Variants in NFASC observed in about 807,000 individuals in gnomAD.
NFASC encodes neurofascin.
In NFASC, 43 loss-of-function variants were observed where a neutral mutation model predicts 147.5. The ratio of observed to expected loss-of-function variants is 0.29; its 90% CI spans 0.23 to 0.38. The LOEUF (loss-of-function observed/expected upper bound fraction) is 0.38, where lower values mean the gene tolerates loss of function less well. Among genes scored for constraint, NFASC ranks in the 10% least tolerant of loss-of-function variants. The pLI is 1.00. For missense variants in NFASC, 1,320 were observed against 1,689.0 expected (o/e 0.78, Z 3.83); for synonymous variants, 622 against 665.5 (o/e 0.93, Z 1.01).
intron 1 of NFASC, among the ~76,000 whole-genome samples, chr1:204,848,953 C>A (rs894365466): frequency 6.6e-5 from 10 of 152,328 alleles, no homozygotes; most frequent in African/African-American, 2.4e-4. Context: ...GTTCAAAATA[C>A]AAAAGTCAAG....
chr1:204,833,681 A>C (rs1265376140), intron 1 of NFASC, among the ~76,000 whole-genome samples: 1 of 152,214 alleles, frequency 6.6e-6, no homozygotes, highest in Non-Finnish European at 1.5e-5. Context: ...GGGTCTAATT[A>C]AATCTTCATT....
intron 27 of NFASC, among the ~76,000 whole-genome samples, chr1:205,006,226 AATTCACCC>A (rs1446632941): frequency 1.3e-5 from 2 of 152,174 alleles, no homozygotes; most frequent in East Asian, 3.8e-4. Flanking sequence ...AGTAAGATTA[AATTCACCC>A]ATTAATCAAT....
In NFASC at chr1:204,941,688, G is replaced by T. The variant is rs72741212; in HGVS notation, c.-90-2538G>T. Among the ~76,000 whole-genome samples, 754 of 152,322 alleles carry T rather than the reference G, an allele frequency of 5.0e-3. 9 individuals are homozygous for T. Among genetic ancestry groups the T allele is most frequent in the South Asian group, 9.9e-3 (48 of 4,828 alleles). ...GCATTAGTGGATTCTTTCTGCGACA[G>T]TATAAGGACCATCTTAGAGAGTTGG... is the stretch of plus-strand genomic sequence containing the variant. On this transcript the variant is annotated intron_variant, in intron 2 of 29. Transcript: ENST00000339876.
At chr1:204,865,453 T>G (rs2077031632) in intron 1 of NFASC, among the ~76,000 whole-genome samples, 1 of 152,164 alleles carries the variant, frequency 6.6e-6, no homozygotes, top group Non-Finnish European at 1.5e-5. Context: ...TACTGTAGTG[T>G]GAGGTTTGTA....
chr1:204,908,114 T>C (rs1045834610), intron 1 of NFASC, among the ~76,000 whole-genome samples: 2 of 152,152 alleles, frequency 1.3e-5, no homozygotes, highest in Non-Finnish European at 2.9e-5. Context: ...CCCAAGCAGC[T>C]GAGACTACAG....
chr1:204,926,623 A>C (rs2091648536), intron 2 of NFASC, among the ~76,000 whole-genome samples: 1 of 150,790 alleles, frequency 6.6e-6, no homozygotes, highest in Admixed American at 6.6e-5. Context: ...CATGTTGCCC[A>C]GGCTGGTCTT....
At chr1:204,849,830 G>A (rs773250030) in intron 1 of NFASC, among the ~76,000 whole-genome samples, 1 of 152,338 alleles carries the variant, frequency 6.6e-6, no homozygotes, top group Non-Finnish European at 1.5e-5. Flanking sequence ...AGGGCCAGGA[G>A]TCCCAATCCT....
chr1:204,948,739 G>T, intron 3 of NFASC: 1 of 518,766 alleles, frequency 1.9e-6, no homozygotes, highest in Non-Finnish European at 3.8e-6. Flanking sequence ...TTTCCATTGA[G>T]TCAGCCTTCG....
chr1:204,941,618 G>C (rs1036618953), intron 2 of NFASC, among the ~76,000 whole-genome samples: 1 of 152,196 alleles, frequency 6.6e-6, no homozygotes, highest in African/African-American at 2.4e-5. Context: ...GGGTTCAGTT[G>C]CCTGATCTGA....
At chr1:205,000,404 C>A (rs2095950894) in intron 25 of NFASC, 1 of 152,478 alleles carries the variant, frequency 6.6e-6, no homozygotes, top group African/African-American at 2.4e-5. Flanking sequence ...TCTGGATCAC[C>A]ATTCTCCTCC....
chr1:204,923,204 G>T (rs1165875514), intron 2 of NFASC, among the ~76,000 whole-genome samples: 1 of 152,134 alleles, frequency 6.6e-6, no homozygotes, highest in Non-Finnish European at 1.5e-5. Flanking sequence ...TGTTCCCCGG[G>T]GCTGCAGGTG....
At chr1:204,981,188 G>A (rs148097197) in intron 20 of NFASC, among the ~76,000 whole-genome samples, 1,843 of 152,384 alleles carry the variant, frequency 0.012, 13 homozygotes, top group Middle Eastern at 0.024. Context: ...ACAGGGCAAC[G>A]GCAGCTGGGC....
intron 10 of NFASC, among the ~76,000 whole-genome samples, chr1:204,970,370 G>C (rs951497876): frequency 6.6e-6 from 1 of 152,174 alleles, no homozygotes; most frequent in Non-Finnish European, 1.5e-5. Context: ...GGGGATTCTA[G>C]TGAGCAGCCC....
rs758815207 is a variant in NFASC at position 204,979,046 on chromosome 1, A to T, written c.1955A>T (p.Asp652Val). 2 of 1,563,188 alleles carry T rather than the reference A, an allele frequency of 1.3e-6. No homozygotes were observed. The highest frequency in any genetic ancestry group is 2.4e-5 in the East Asian group (1 of 41,764). ...GTGCGGCTGACCTGGATCCCCGGGGATGCTAACAACAGCCCCATCACAGGT... is the reference window on the plus strand; with the variant it reads ...GTGCGGCTGACCTGGATCCCCGGGGTTGCTAACAACAGCCCCATCACAGGT... ...RSVRLTWIPGDANNSPITDYV... is the reference protein window; with the variant it reads ...RSVRLTWIPGVANNSPITDYV... The change falls in exon 18 of 30, where the codon GAT (aspartate) becomes GTT (valine). Residue 652 changes from aspartate to valine, a missense_variant. By Grantham distance (152) the Asp-to-Val change is radical (BLOSUM62 -3). Coordinates refer to ENST00000339876, the MANE Select transcript of NFASC (RefSeq NM_001005388.3). The surrounding 1 kb of genome is among the most constrained non-coding windows in gnomAD (Gnocchi z 6.0).
chr1:204,859,295 T>G (rs560672795), intron 1 of NFASC, among the ~76,000 whole-genome samples: 1 of 152,198 alleles, frequency 6.6e-6, no homozygotes, highest in South Asian at 2.1e-4. Flanking sequence ...CTCAGAGAGA[T>G]CCCCCAAGCC....
chr1:205,007,093 C>T (rs963875156), intron 27 of NFASC, among the ~76,000 whole-genome samples: 1 of 150,514 alleles, frequency 6.6e-6, no homozygotes, highest in Admixed American at 6.6e-5. Flanking sequence ...GAGCATAGAG[C>T]GTACCAATTA....
Position 205,016,082 on chromosome 1 carries a change from T to TCCCTG in NFASC, c.3492-215_3492-211dup, listed in dbSNP as rs1226950670. Among the ~76,000 whole-genome samples, 1 of 152,164 alleles carries TCCCTG rather than the reference T, an allele frequency of 6.6e-6. No individual in the cohort carries two copies. The highest frequency in any genetic ancestry group is 1.5e-5 in the Non-Finnish European group (1 of 68,024). Reference sequence around the variant, plus strand: ...AGGAGCCCAAAAGCATGGGCTCCACTCCCTGCCCTGCCCTGACCTGCAACC... The same window carrying TCCCTG: ...AGGAGCCCAAAAGCATGGGCTCCACTCCCTGCCCTGCCCTGCCCTGACCTGCAACC... On this transcript the variant is annotated intron_variant, in intron 29 of 29. Coordinates refer to ENST00000339876, the MANE Select transcript of NFASC (RefSeq NM_001005388.3). The surrounding 1 kb of genome is among the most constrained non-coding windows in gnomAD (Gnocchi z 5.1).
Position 204,986,146 on chromosome 1 carries a change from G to A in NFASC, c.2471-1272G>A, listed in dbSNP as rs779665781. 6.6e-7 allele frequency: 1 copy of A among 1,522,838 alleles called. No individual in the cohort carries two copies. Among genetic ancestry groups the A allele is most frequent in the South Asian group, 1.1e-5 (1 of 89,206 alleles). 94.3% of individuals were successfully genotyped at this position (1,522,838 alleles called of 1,614,324 possible). A position where few individuals can be genotyped will look rare whatever the true frequency, so the allele number is the denominator to read the frequency against. On this transcript the variant is annotated intron_variant, in intron 21 of 29. Coordinates refer to ENST00000339876, the MANE Select transcript of NFASC (RefSeq NM_001005388.3). The surrounding 1 kb of genome is among the most constrained non-coding windows in gnomAD (Gnocchi z 4.2). ...CTGGCCTGCAGCTCTTCAGGGTGGG[G>A]CAGGAGAAGGGTGGCACACACCTTG...
At chr1:204,953,679 G>A (rs535304331) in intron 5 of NFASC, among the ~76,000 whole-genome samples, 41 of 152,240 alleles carry the variant, frequency 2.7e-4, no homozygotes, top group African/African-American at 9.6e-4. Flanking sequence ...AACCTAAGCC[G>A]TTTCACTTTG....
Sources: gnomAD v4.1 joint callset for allele counts (sites outside exome capture counted in the v4.1 genomes callset) on GRCh38, gnomAD v4.1.1 for gene constraint, Gnocchi (gnomAD v3.1) non-coding constraint, MANE v1.5 for transcripts, NCBI Gene and HGNC (gene_info 2026-07-23, HGNC 2026-07-21) for gene names.